The following SV2B variants were observed in gnomAD, a reference collection of about 807,000 sequenced individuals.
SV2B encodes solute carrier family 22 member B2.
Under a neutral mutation model 73.9 loss-of-function variants are expected in SV2B, and 41 were observed. The observed-to-expected ratio is 0.56, with a 90% CI of 0.43 to 0.72. The LOEUF is 0.72. Ranked by LOEUF, SV2B falls within the 30% of genes least tolerant of loss-of-function variation. The pLI is 0.00. For missense variants in SV2B, 764 were observed against 857.8 expected, an observed-to-expected ratio of 0.89 and a Z score of 1.37; for synonymous variants, 314 against 314.2, an observed-to-expected ratio of 1.00 and a Z score of 0.01.
Position 91,268,223 on chromosome 15 carries a change from T to C in SV2B, c.1209-218T>C, listed in dbSNP as rs2141688658. Among the ~76,000 whole-genome samples the C allele has an allele frequency of 6.6e-6, 1 of 152,344 alleles. No individual in the cohort carries two copies. The highest frequency in any genetic ancestry group is 1.9e-4 in the East Asian group (1 of 5,196). On this transcript the variant is annotated intron_variant, in intron 8 of 12. Coordinates refer to ENST00000394232, the MANE Select transcript of SV2B (RefSeq NM_001323032.3). The surrounding 1 kb of genome is among the most constrained non-coding windows in gnomAD (Gnocchi z 4.4). Reference sequence around the variant, plus strand: ...ATTGGTGTTTGTATCAGGAAAACATTTCTTTTAAATCAAATGCCTTTTCAG... The same window carrying C: ...ATTGGTGTTTGTATCAGGAAAACATCTCTTTTAAATCAAATGCCTTTTCAG...
intron 1 of SV2B, among the ~76,000 whole-genome samples, chr15:91,112,325 G>A (rs1415647611): frequency 2.0e-5 from 3 of 152,180 alleles, no homozygotes; most frequent in Non-Finnish European, 4.4e-5. Flanking sequence ...CAAGTGGTGA[G>A]ATCGCCGCTG....
chr15:91,217,027 A>G (rs1020283133), intron 1 of SV2B, among the ~76,000 whole-genome samples: 3 of 151,112 alleles, frequency 2.0e-5, no homozygotes. Context: ...AGCTGGGATT[A>G]CAGGTGTGTG....
rs1294638249 is a variant in SV2B at position 91,229,931 on chromosome 15, C to T, written c.451+3217C>T. On this transcript the variant is annotated intron_variant, in intron 2 of 12. Transcript: ENST00000394232. This position sits in a 1 kb window ranked among gnomAD's most constrained non-coding sequence, Gnocchi z 4.3. ...TAACTCAGTTCTGTCTTTCCCCATC[C>T]TCTCTCTGTTTTAAAAAGAAACTCT... Among the ~76,000 whole-genome samples the T allele has an allele frequency of 6.6e-6, 1 of 152,184 alleles. No individual in the cohort carries two copies. The highest frequency in any genetic ancestry group is 1.5e-5 in the Non-Finnish European group (1 of 68,028).
chr15:91,138,537 A>G (rs1445815338), intron 1 of SV2B, among the ~76,000 whole-genome samples: 1 of 152,228 alleles, frequency 6.6e-6, no homozygotes, highest in Non-Finnish European at 1.5e-5. Context: ...TCATGGATTC[A>G]ACCAATAACA....
intron 6 of SV2B, among the ~76,000 whole-genome samples, chr15:91,264,538 C>G (rs2048035517): frequency 6.6e-6 from 1 of 152,154 alleles, no homozygotes; most frequent in Non-Finnish European, 1.5e-5. Flanking sequence ...ACTCAGCCAA[C>G]TGGGATTGGC....
chr15:91,218,355 A>G (rs902205057), intron 1 of SV2B, among the ~76,000 whole-genome samples: 4 of 152,148 alleles, frequency 2.6e-5, no homozygotes, highest in Non-Finnish European at 5.9e-5. Context: ...TGAAGATTTT[A>G]TGACCTACTT....
chr15:91,142,623 G>A (rs932048141), intron 1 of SV2B, among the ~76,000 whole-genome samples: 2 of 152,166 alleles, frequency 1.3e-5, no homozygotes, highest in East Asian at 3.9e-4. Flanking sequence ...TTGAATGCCT[G>A]TATCATAACA....
rs907372721 is a variant in SV2B at position 91,284,422 on chromosome 15, T to C, written c.1708+201T>C. 6.6e-6 allele frequency among the ~76,000 whole-genome samples: 1 copy of C among 152,142 alleles called. No homozygotes were observed. The highest frequency in any genetic ancestry group is 2.4e-5 in the African/African-American group (1 of 41,418). On this transcript the variant is annotated intron_variant, in intron 11 of 12. Coordinates refer to ENST00000394232, the MANE Select transcript of SV2B (RefSeq NM_001323032.3). The surrounding 1 kb of genome is among the most constrained non-coding windows in gnomAD (Gnocchi z 4.5). ...GCTCCTGGGAAATAGTCAAGAATCTTTGGTCTAGGCGAGGGACTTTTGTTC... is the reference window on the plus strand; with the variant it reads ...GCTCCTGGGAAATAGTCAAGAATCTCTGGTCTAGGCGAGGGACTTTTGTTC...
Position 91,141,716 on chromosome 15 carries a change from G to C in SV2B, c.-392+41353G>C, listed in dbSNP as rs895154635. Among the ~76,000 whole-genome samples, 1 of 151,228 alleles carries C rather than the reference G, an allele frequency of 6.6e-6. No individual in the cohort carries two copies. The highest frequency in any genetic ancestry group is 2.4e-5 in the African/African-American group (1 of 41,356). ...TTTTTCCTAAGGGTTCAAGCCAATA[G>C]AGTTGCCAAATAGTTTGGGTTTTGT... is the stretch of plus-strand genomic sequence containing the variant. On this transcript the variant is annotated intron_variant, in intron 1 of 12. Transcript: ENST00000394232. This position sits in a 1 kb window ranked among gnomAD's most constrained non-coding sequence, Gnocchi z 4.6.
At chr15:91,177,200 G>A (rs2044345711) in intron 1 of SV2B, among the ~76,000 whole-genome samples, 1 of 152,002 alleles carries the variant, frequency 6.6e-6, no homozygotes. Flanking sequence ...TCAGATAGTT[G>A]TAAATATGCG....
At chr15:91,166,791 TG>T (rs776232498) in intron 1 of SV2B, among the ~76,000 whole-genome samples, 38 of 151,900 alleles carry the variant, frequency 2.5e-4, no homozygotes, top group Middle Eastern at 3.4e-3. Context: ...TTAGTTTTTT[TG>T]TATAGTTTTT....
Position 91,289,658 on chromosome 15 carries a change from G to A in SV2B, c.1846G>A (p.Glu616Lys). ...GAATGCTCTGGATGTGATCACAGTG[G>A]AGCTGTATCCCACCAACCAGAGGTC... is the stretch of plus-strand genomic sequence containing the variant. ...AWNALDVITV[E>K]LYPTNQRATA... Residue 616 changes from glutamate (E) to lysine (K), a missense_variant, in exon 12 of 13, where the codon GAG becomes AAG. Physicochemically the swap from Glu to Lys is moderately conservative, Grantham distance 56. Coordinates refer to ENST00000394232, the MANE Select transcript of SV2B (RefSeq NM_001323032.3). The surrounding 1 kb of genome is among the most constrained non-coding windows in gnomAD (Gnocchi z 4.9). 6.2e-7 allele frequency: 1 copy of A among 1,613,566 alleles called. No homozygotes were observed. The highest frequency in any genetic ancestry group is 1.1e-5 in the South Asian group (1 of 91,022).
intron 1 of SV2B, among the ~76,000 whole-genome samples, chr15:91,154,620 A>G (rs1018581708): frequency 4.6e-5 from 7 of 152,104 alleles, no homozygotes; most frequent in Non-Finnish European, 1.0e-4. Flanking sequence ...ATAGTGGATT[A>G]GAGTGGGCCC....
intron 1 of SV2B, among the ~76,000 whole-genome samples, chr15:91,171,419 G>A (rs1311275531): frequency 6.6e-6 from 1 of 152,160 alleles, no homozygotes; most frequent in Non-Finnish European, 1.5e-5. Context: ...TGAGTTGGTG[G>A]CACATGTGTC....
intron 1 of SV2B, among the ~76,000 whole-genome samples, chr15:91,201,247 G>A (rs1211078737): frequency 1.3e-5 from 2 of 152,126 alleles, no homozygotes; most frequent in Non-Finnish European, 2.9e-5. Flanking sequence ...AAATCCTCAA[G>A]TGTTACATCC....
chr15:91,219,600 G>A (rs2046149354), intron 1 of SV2B, among the ~76,000 whole-genome samples: 1 of 152,078 alleles, frequency 6.6e-6, no homozygotes, highest in African/African-American at 2.4e-5. Flanking sequence ...TTTTTTTGGG[G>A]GTGGGGCAGC....
chr15:91,289,034 G>A lies in SV2B; in HGVS notation c.1709-487G>A, dbSNP rs1261302269. On this transcript the variant is annotated intron_variant, in intron 11 of 12. Transcript: ENST00000394232. This position sits in a 1 kb window ranked among gnomAD's most constrained non-coding sequence, Gnocchi z 4.9. ...CCACATTTTCTTTATCCACTCATCT[G>A]TTGATGGCCACTTAGGTTGACTCCA... is the stretch of plus-strand genomic sequence containing the variant. Among the ~76,000 whole-genome samples the A allele has an allele frequency of 6.6e-6, 1 of 152,168 alleles. No individual in the cohort carries two copies. The highest frequency in any genetic ancestry group is 2.4e-5 in the African/African-American group (1 of 41,438).
At chr15:91,248,117 C>G (rs1018534145) in intron 2 of SV2B, among the ~76,000 whole-genome samples, 9 of 152,082 alleles carry the variant, frequency 5.9e-5, no homozygotes, top group Non-Finnish European at 1.2e-4. Flanking sequence ...GTCAGGAGAT[C>G]AAGACCATCC....
intron 1 of SV2B, among the ~76,000 whole-genome samples, chr15:91,164,942 A>G (rs1317134774): frequency 6.6e-6 from 1 of 152,220 alleles, no homozygotes; most frequent in Non-Finnish European, 1.5e-5. Flanking sequence ...TTTTCTAAAC[A>G]TTACAAAATT....
Sources: gnomAD v4.1 joint callset for allele counts (sites outside exome capture counted in the v4.1 genomes callset) on GRCh38, gnomAD v4.1.1 for gene constraint, Gnocchi (gnomAD v3.1) non-coding constraint, MANE v1.5 for transcripts, NCBI Gene and HGNC (gene_info 2026-07-23, HGNC 2026-07-21) for gene names.